Variants in KIF11 observed in about 807,000 individuals in gnomAD.
KIF11 encodes the protein kinesin family member 11.
KIF11 carries 9 observed loss-of-function variants against 121.0 expected under a neutral mutation model. That is an observed-to-expected ratio of 0.07 (90% CI 0.04 to 0.13). The LOEUF (loss-of-function observed/expected upper bound fraction) is 0.13, where lower values mean the gene tolerates loss of function less well. KIF11 is among the 10% of genes least tolerant of loss of function. The pLI is 1.00. For missense variants in KIF11, 846 were observed against 1,217.5 expected (o/e 0.69, Z 4.54); for synonymous variants, 408 against 421.0 (o/e 0.97, Z 0.38).
chr10:92,597,087 T>C (rs1844304958), intron 1 of KIF11: 1 of 359,072 alleles, frequency 2.8e-6, no homozygotes, highest in South Asian at 2.6e-5. Context: ...TTCACACTCC[T>C]GCATCTTTAG....
chr10:92,632,871 T>C (rs1042664758), intron 13 of KIF11, among the ~76,000 whole-genome samples, 178 bp downstream of exon 13: 1 of 152,180 alleles, frequency 6.6e-6, no homozygotes, highest in Non-Finnish European at 1.5e-5. Flanking sequence ...AAATCTTTTT[T>C]CCCTCCCCAC....
rs185644125 is a variant in KIF11 at position 92,650,072 on chromosome 10, A to G, written c.2922+86A>G. 62 of 1,011,388 alleles carry G rather than the reference A, an allele frequency of 6.1e-5. No homozygotes were observed. In the Middle Eastern group the frequency reaches 2.5e-3, roughly 40 times the overall value. 62.7% of individuals were successfully genotyped at this position (1,011,388 alleles called of 1,614,324 possible). A position where few individuals can be genotyped will look rare whatever the true frequency, so the allele number is the denominator to read the frequency against. On this transcript the variant is annotated intron_variant, in intron 20 of 21. Coordinates refer to ENST00000260731, the MANE Select transcript of KIF11 (RefSeq NM_004523.4). ...CTTCATGTGAAGAATTTTACTGTTT[A>G]CCCCTCAATCTTACCCCGCCTCTCA...
chr10:92,650,209 T>C (rs950578130), intron 20 of KIF11, among the ~76,000 whole-genome samples, 192 bp from the exon 21 acceptor site: 5 of 152,240 alleles, frequency 3.3e-5, no homozygotes, highest in African/African-American at 1.2e-4. Flanking sequence ...AACATTGTTA[T>C]ATAGGAACCT....
chr10:92,613,948 C>T lies in KIF11; in HGVS notation c.1032+329C>T, dbSNP rs1564706756. Among the ~76,000 whole-genome samples the T allele has an allele frequency of 6.7e-6, 1 of 149,118 alleles. No individual in the cohort carries two copies. Among genetic ancestry groups the T allele is most frequent in the Non-Finnish European group, 1.5e-5 (1 of 67,684 alleles). ...CTGAGATCATGCAACTACACTCCAG[C>T]CTGGGTGGCAGAGGGAGACCCCATC... On this transcript the variant is annotated intron_variant, in intron 8 of 21. Coordinates refer to ENST00000260731, the MANE Select transcript of KIF11 (RefSeq NM_004523.4). This position sits in a 1 kb window ranked among gnomAD's most constrained non-coding sequence, Gnocchi z 4.2.
At chr10:92,644,220 T>G (rs1015739408) in intron 17 of KIF11, among the ~76,000 whole-genome samples, 1 of 152,254 alleles carries the variant, frequency 6.6e-6, no homozygotes, top group Admixed American at 6.5e-5. Flanking sequence ...AGGTGATGTT[T>G]ATGTACACAC....
chr10:92,628,965 A>G (rs1228042877), intron 11 of KIF11, 70 bp downstream of exon 11: 8 of 877,234 alleles, frequency 9.1e-6, no homozygotes, highest in Non-Finnish European at 1.2e-5. Context: ...AGAATGAAAG[A>G]TCTAATATTT....
At chr10:92,642,763 T>C (rs901616553) in intron 17 of KIF11, among the ~76,000 whole-genome samples, 1 of 152,224 alleles carries the variant, frequency 6.6e-6, no homozygotes, top group African/African-American at 2.4e-5. Flanking sequence ...ATACAGGTTT[T>C]CTAGCTTTCC....
chr10:92,653,600 A>G, intron 21 of KIF11, 65 bp from the exon 22 acceptor site: 1 of 1,428,314 alleles, frequency 7.0e-7, no homozygotes, highest in Non-Finnish European at 9.6e-7. Context: ...TTGAAAATAG[A>G]GTGTAGTTAA....
At chr10:92,652,742 T>C (rs771639200) in intron 21 of KIF11, among the ~76,000 whole-genome samples, 15 of 152,224 alleles carry the variant, frequency 9.9e-5, no homozygotes, top group Non-Finnish European at 1.6e-4. Flanking sequence ...TTATTATTAT[T>C]ATCTGTGGCA....
chr10:92,601,286 C>T (rs1021327003), intron 1 of KIF11, among the ~76,000 whole-genome samples: 3 of 151,724 alleles, frequency 2.0e-5, no homozygotes, highest in East Asian at 1.9e-4. Context: ...CTGCAACCTA[C>T]GCCTCCTGGG....
intron 17 of KIF11, among the ~76,000 whole-genome samples, chr10:92,641,311 C>G (rs1250278008): frequency 6.6e-6 from 1 of 150,732 alleles, no homozygotes; most frequent in African/African-American, 2.5e-5. Context: ...TGAAATTAAA[C>G]TTCCTAAAGT....
rs754359711 is a variant in KIF11, at chr10:92,616,807, A to T, written c.1103A>T (p.Lys368Ile). ...TTGAATAAGCCTGAAGTGAATCAGA[A>T]ACTCACCAAAAAAGCTCTTATTAAG... ...NILNKPEVNQ[K>I]LTKKALIKEY... The change falls in exon 9 of 22, where the codon AAA (lysine) becomes ATA (isoleucine). Residue 368 changes from lysine (K) to isoleucine (I), a missense_variant. Coordinates refer to ENST00000260731, the MANE Select transcript of KIF11 (RefSeq NM_004523.4). 1 of 1,599,310 alleles carries T rather than the reference A, an allele frequency of 6.3e-7. No individual in the cohort carries two copies. The highest frequency in any genetic ancestry group is 2.3e-5 in the East Asian group (1 of 44,424).
chr10:92,623,444 T>G (rs551138019), intron 10 of KIF11, among the ~76,000 whole-genome samples: 1 of 152,322 alleles, frequency 6.6e-6, no homozygotes, highest in East Asian at 1.9e-4. Flanking sequence ...AAGCAAGACT[T>G]TCACAGAGCA....
intron 6 of KIF11, among the ~76,000 whole-genome samples, chr10:92,611,273 T>C (rs958006857): frequency 6.6e-6 from 1 of 151,984 alleles, no homozygotes; most frequent in Non-Finnish European, 1.5e-5. Flanking sequence ...AGTGAAGTGA[T>C]GCGATCTCGG....
chr10:92,596,164 C>T (rs773387300), intron 1 of KIF11, among the ~76,000 whole-genome samples: 16 of 152,122 alleles, frequency 1.1e-4, no homozygotes, highest in African/African-American at 1.4e-4. Flanking sequence ...CCATCTCTCC[C>T]GGCTAATTTT....
At chr10:92,648,465 T>C in intron 19 of KIF11, 31 bp downstream of exon 19, 2 of 1,412,512 alleles carry the variant, frequency 1.4e-6, no homozygotes, top group Non-Finnish European at 1.9e-6. Context: ...AATTGTTAAA[T>C]TTTTTGAAGT....
At chr10:92,622,651 TA>T (rs955150853) in intron 10 of KIF11, among the ~76,000 whole-genome samples, 1 of 151,740 alleles carries the variant, frequency 6.6e-6, no homozygotes, top group Non-Finnish European at 1.5e-5. Flanking sequence ...ATAAAATAAA[TA>T]AAAAATAATT....
At chr10:92,626,395 A>G (rs1391737028) in intron 10 of KIF11, among the ~76,000 whole-genome samples, 1 of 152,208 alleles carries the variant, frequency 6.6e-6, no homozygotes, top group African/African-American at 2.4e-5. Context: ...CTTAACGCCC[A>G]TATACAGAAA....
rs1458571996 is a variant in KIF11, at chr10:92,607,253, A to G, written c.387+16A>G. The G allele has an allele frequency of 6.8e-7, 1 of 1,464,266 alleles. No homozygotes were observed. Among genetic ancestry groups the G allele is most frequent in the Admixed American group, 1.7e-5 (1 of 59,146 alleles). The allele number at this position is 1,464,266 out of a possible 1,614,324, so 90.7% of individuals were successfully genotyped here. A position where few individuals can be genotyped will look rare whatever the true frequency, so the allele number is the denominator to read the frequency against. ...CTGGGAAGAGGTATTTATTGTTTAT[A>G]ACATACTTTTATCTCTAATGTGACT... On this transcript the variant is annotated intron_variant, in intron 4 of 21. Coordinates refer to ENST00000260731, the MANE Select transcript of KIF11 (RefSeq NM_004523.4).
Sources: gnomAD v4.1 joint callset for allele counts (sites outside exome capture counted in the v4.1 genomes callset) on GRCh38, gnomAD v4.1.1 for gene constraint, Gnocchi (gnomAD v3.1) non-coding constraint, MANE v1.5 for transcripts, NCBI Gene and HGNC (gene_info 2026-07-23, HGNC 2026-07-21) for gene names.